CCSER1: variants seen among roughly 807,000 people sequenced by gnomAD.
CCSER1 encodes coiled-coil serine rich protein 1.
Under a neutral mutation model 82.0 loss-of-function variants are expected in CCSER1, and 41 were observed. That is an observed-to-expected ratio of 0.50 (90% CI 0.39 to 0.65). The LOEUF is 0.65. Among genes scored for constraint, CCSER1 ranks in the 30% least tolerant of loss-of-function variants. The pLI, the probability that CCSER1 is intolerant of heterozygous loss-of-function variation, is 0.00. For synonymous variants in CCSER1, 414 were observed against 383.9 expected, an observed-to-expected ratio of 1.08 and a Z score of -0.92; for missense variants, 1,119 against 1,064.2, an observed-to-expected ratio of 1.05 and a Z score of -0.72.
intron 10 of CCSER1, among the ~76,000 whole-genome samples, chr4:91,589,574 C>CTTT (rs11411865): frequency 1.7e-4 from 25 of 144,636 alleles, no homozygotes; most frequent in Non-Finnish European, 2.6e-4. Context: ...ACAAGAGGCT[C>CTTT]TTTTTTTTTT....
At chr4:91,564,153 C>G (rs1250452372) in intron 10 of CCSER1, among the ~76,000 whole-genome samples, 1 of 151,812 alleles carries the variant, frequency 6.6e-6, no homozygotes, top group Admixed American at 6.6e-5. Flanking sequence ...GTTTTCTGTT[C>G]CTGCATTAGT....
intron 10 of CCSER1, among the ~76,000 whole-genome samples, chr4:91,508,090 T>A (rs1334799153): frequency 6.7e-6 from 1 of 149,328 alleles, no homozygotes; most frequent in Non-Finnish European, 1.5e-5. Context: ...GCCCAAGTTT[T>A]CTGTGTAGAA....
At chr4:91,548,545 T>C (rs1762000592) in intron 10 of CCSER1, among the ~76,000 whole-genome samples, 1 of 145,682 alleles carries the variant, frequency 6.9e-6, no homozygotes, top group Non-Finnish European at 1.5e-5. Context: ...GTAAGTCTAA[T>C]GGCAACAAAT....
chr4:90,346,389 T>C (rs1742352547), intron 3 of CCSER1, among the ~76,000 whole-genome samples: 1 of 151,890 alleles, frequency 6.6e-6, no homozygotes. Context: ...GTAATTTATA[T>C]TTATTTTGTT....
At position 90,830,124 on chromosome 4, in the gene CCSER1, A is replaced by G. The variant is rs565990428; in HGVS notation, c.2094+14279A>G. Among the ~76,000 whole-genome samples, 7 of 152,302 alleles carry G rather than the reference A, an allele frequency of 4.6e-5. No individual in the cohort carries two copies. In the East Asian group the frequency reaches 1.2e-3, roughly 25 times the overall value. ...GATAATTGCCAAACCATCACCGGAC[A>G]TTTCTAGTGAGTCGGGGAGAGACCT... On this transcript the variant is annotated intron_variant, in intron 8 of 10. Coordinates refer to ENST00000509176, the MANE Select transcript of CCSER1 (RefSeq NM_001145065.2).
At chr4:90,418,587 T>C (rs533484442) in intron 4 of CCSER1, among the ~76,000 whole-genome samples, 1 of 152,152 alleles carries the variant, frequency 6.6e-6, no homozygotes, top group Admixed American at 6.5e-5. Flanking sequence ...ATTATAGGAA[T>C]AAATATCCCA....
In CCSER1 at chr4:90,432,666, G is replaced by A. The variant is rs554077205; in HGVS notation, c.1603+32537G>A. ...GACTGGGTGTTACTGTGTTGCCCAG[G>A]CTGGCCTGAAAATCCCACAATCAAT... is the stretch of plus-strand genomic sequence containing the variant. On this transcript the variant is annotated intron_variant, in intron 4 of 10. Transcript: ENST00000509176. 4.6e-5 allele frequency among the ~76,000 whole-genome samples: 7 copies of A among 151,370 alleles called. No homozygotes were observed. The East Asian group carries it at 1.4e-3, about 30-fold the overall frequency.
intron 10 of CCSER1, among the ~76,000 whole-genome samples, chr4:91,489,123 G>T (rs1758374928): frequency 6.6e-6 from 1 of 152,182 alleles, no homozygotes; most frequent in Non-Finnish European, 1.5e-5. Context: ...AGAATAAATA[G>T]CAAGTGCTAA....
chr4:90,404,851 G>T (rs541422043), intron 4 of CCSER1, among the ~76,000 whole-genome samples: 2 of 152,292 alleles, frequency 1.3e-5, no homozygotes, highest in Non-Finnish European at 2.9e-5. Context: ...TGGGACAAAA[G>T]AATCTGAATA....
At chr4:90,713,812 C>T (rs909732583) in intron 6 of CCSER1, among the ~76,000 whole-genome samples, 1 of 151,814 alleles carries the variant, frequency 6.6e-6, no homozygotes, top group Admixed American at 6.6e-5. Context: ...CTACATAATC[C>T]CATATTTCTT....
chr4:91,142,738 T>C (rs1033893171), intron 10 of CCSER1, among the ~76,000 whole-genome samples: 1 of 152,094 alleles, frequency 6.6e-6, no homozygotes, highest in African/African-American at 2.4e-5. Flanking sequence ...GAATCGAGAG[T>C]CCTTTCCTTA....
intron 10 of CCSER1, among the ~76,000 whole-genome samples, chr4:91,153,201 G>A (rs1466989482): frequency 1.3e-5 from 2 of 151,906 alleles, no homozygotes. Flanking sequence ...TAGAGGCTTT[G>A]TTCATTTCTT....
intron 3 of CCSER1, among the ~76,000 whole-genome samples, chr4:90,340,526 T>A (rs976632639): frequency 6.6e-6 from 1 of 152,164 alleles, no homozygotes; most frequent in East Asian, 1.9e-4. Context: ...GGCATATTGT[T>A]TTTGGATTCA....
At chr4:90,904,668 G>A (rs556228650) in intron 8 of CCSER1, among the ~76,000 whole-genome samples, 2 of 152,152 alleles carry the variant, frequency 1.3e-5, no homozygotes, top group South Asian at 4.1e-4. Flanking sequence ...GCAATAAGGG[G>A]GGGCCTGGTC....
chr4:90,659,208 A>C (rs1325539911), intron 6 of CCSER1, among the ~76,000 whole-genome samples: 1 of 151,840 alleles, frequency 6.6e-6, no homozygotes, highest in Non-Finnish European at 1.5e-5. Context: ...TTTCTGGGAG[A>C]TCATTCTCTT....
intron 1 of CCSER1, among the ~76,000 whole-genome samples, chr4:90,208,702 A>G (rs1022348341): frequency 6.6e-6 from 1 of 152,168 alleles, no homozygotes; most frequent in Non-Finnish European, 1.5e-5. Flanking sequence ...TATCTGGGCC[A>G]GAATGCACTG....
At chr4:91,187,895 A>G (rs1321683006) in intron 10 of CCSER1, among the ~76,000 whole-genome samples, 4 of 152,188 alleles carry the variant, frequency 2.6e-5, no homozygotes, top group Admixed American at 6.5e-5. Context: ...AATTTATCCA[A>G]GTAGGCAAAG....
At chr4:90,572,307 T>G (rs1780205238) in intron 5 of CCSER1, among the ~76,000 whole-genome samples, 1 of 152,202 alleles carries the variant, frequency 6.6e-6, no homozygotes, top group Admixed American at 6.5e-5. Context: ...TATTTGACAA[T>G]TTGGGCAGTC....
chr4:91,510,031 T>C (rs893268645), intron 10 of CCSER1, among the ~76,000 whole-genome samples: 3 of 152,044 alleles, frequency 2.0e-5, no homozygotes, highest in African/African-American at 4.8e-5. Flanking sequence ...CCATATAGCC[T>C]TGTGTCTATT....
Sources: allele counts gnomAD v4.1 joint callset (sites outside exome capture counted in the v4.1 genomes callset), GRCh38; gene constraint gnomAD v4.1.1; transcripts MANE v1.5; gene names NCBI Gene and HGNC (gene_info 2026-07-23, HGNC 2026-07-21).